Variants in AFF2 observed in about 807,000 individuals in gnomAD.
AFF2 encodes ALF transcription elongation factor 2.
A neutral mutation model predicts 76.9 loss-of-function variants in AFF2; 14 were observed. The observed-to-expected ratio is 0.18, with a 90% CI of 0.12 to 0.28. The LOEUF is 0.28. Ranked by LOEUF, AFF2 falls within the 10% of genes least tolerant of loss-of-function variation. The pLI, the probability that AFF2 is intolerant of heterozygous loss-of-function variation, is 1.00. For missense variants in AFF2, 868 were observed against 1,001.1 expected, an observed-to-expected ratio of 0.87 and a Z score of 1.79; for synonymous variants, 398 against 366.7, an observed-to-expected ratio of 1.09 and a Z score of -0.98.
At chrX:148,734,886 T>A (rs1372480259) in intron 3 of AFF2, among the ~76,000 whole-genome samples, 1 of 112,055 alleles carries the variant, frequency 8.9e-6, no homozygotes, top group Non-Finnish European at 1.9e-5. Context: ...ATCTAGCATG[T>A]CTGACAGATG....
Position 148,830,836 on chromosome X carries a change from G to A in AFF2, c.1087-6811G>A, listed in dbSNP as rs964770830. On this transcript the variant is annotated intron_variant, in intron 4 of 20. Transcript: ENST00000370460. Reference sequence around the variant, plus strand: ...TGACAGGGTTTGAGAGCAGACAACTGGTCTGACCAAAATTTATTAAGCGGG... The same window carrying A: ...TGACAGGGTTTGAGAGCAGACAACTAGTCTGACCAAAATTTATTAAGCGGG... 1.2e-4 allele frequency among the ~76,000 whole-genome samples: 13 copies of A among 111,243 alleles called. No homozygotes were observed. The Admixed American group carries it at 1.2e-3, about 11-fold the overall frequency.
intron 3 of AFF2, among the ~76,000 whole-genome samples, chrX:148,737,388 G>C (rs1557265185): frequency 1.8e-5 from 2 of 111,434 alleles, no homozygotes; most frequent in South Asian, 3.8e-4. Flanking sequence ...TATTGTAAAA[G>C]GGGTTGAGTT....
intron 3 of AFF2, among the ~76,000 whole-genome samples, chrX:148,708,377 G>A (rs1215911032): frequency 9.0e-6 from 1 of 111,629 alleles, no homozygotes; most frequent in Non-Finnish European, 1.9e-5. Context: ...CTAAGTGAAA[G>A]GTAAATCTTA....
intron 1 of AFF2, among the ~76,000 whole-genome samples, chrX:148,517,029 A>G (rs1255934489): frequency 8.9e-6 from 1 of 112,135 alleles, no homozygotes; most frequent in Non-Finnish European, 1.9e-5. Flanking sequence ...GAAGAGAGGA[A>G]TAGGCATTCA....
intron 3 of AFF2, among the ~76,000 whole-genome samples, chrX:148,779,381 TA>T (rs1419428754): frequency 9.0e-6 from 1 of 111,709 alleles, no homozygotes; most frequent in African/African-American, 3.3e-5. Flanking sequence ...GAGTTGAGTT[TA>T]AGTCCTGAAT....
At chrX:148,538,785 T>A (rs781867767) in intron 1 of AFF2, among the ~76,000 whole-genome samples, 1 of 111,933 alleles carries the variant, frequency 8.9e-6, no homozygotes, top group South Asian at 3.8e-4. Context: ...AACTGAGGGC[T>A]CAGAGAGATT....
intron 7 of AFF2, among the ~76,000 whole-genome samples, chrX:148,857,636 T>C (rs993759220): frequency 4.5e-5 from 5 of 111,632 alleles, no homozygotes; most frequent in Admixed American, 9.5e-5. Context: ...CTTATGTGGA[T>C]ATAAATACAC....
intron 3 of AFF2, among the ~76,000 whole-genome samples, chrX:148,666,351 T>C (rs2054358956): frequency 9.0e-6 from 1 of 110,737 alleles, no homozygotes; most frequent in South Asian, 3.8e-4. Context: ...CTTTGGGAGG[T>C]TGAGATGGGC....
At chrX:148,944,015 T>C (rs1208332904) in intron 9 of AFF2, among the ~76,000 whole-genome samples, 1 of 111,961 alleles carries the variant, frequency 8.9e-6, no homozygotes, top group African/African-American at 3.2e-5. Context: ...ACTTCCCAAA[T>C]TGAGCAGCAG....
chrX:148,539,859 T>G (rs1338777873), intron 1 of AFF2, among the ~76,000 whole-genome samples: 2 of 111,090 alleles, frequency 1.8e-5, no homozygotes, highest in African/African-American at 6.6e-5. Flanking sequence ...AGGTCAGTAG[T>G]GTTCACCTTG....
At chrX:148,594,538 A>G (rs2053553555) in intron 1 of AFF2, among the ~76,000 whole-genome samples, 1 of 111,548 alleles carries the variant, frequency 9.0e-6, no homozygotes, top group Non-Finnish European at 1.9e-5. Context: ...AAGAAACTCA[A>G]AAGGACTGGA....
At chrX:148,894,650 G>A (rs2071260981) in intron 8 of AFF2, among the ~76,000 whole-genome samples, 1 of 111,190 alleles carries the variant, frequency 9.0e-6, no homozygotes, top group Non-Finnish European at 1.9e-5. Context: ...GTTAATGGAG[G>A]TCGACTAAAG....
intron 7 of AFF2, among the ~76,000 whole-genome samples, chrX:148,870,516 G>A (rs1284405938): frequency 1.8e-5 from 2 of 111,849 alleles, no homozygotes; most frequent in South Asian, 3.8e-4. Context: ...TTCTGTGGTG[G>A]GACACTGTGC....
At chrX:148,987,704 G>A in intron 20 of AFF2, 147 bp downstream of exon 20, 1 of 499,631 alleles carries the variant, frequency 2.0e-6, no homozygotes, top group South Asian at 4.9e-5. Context: ...AGTTCGCTCA[G>A]GGCTGACACA....
intron 1 of AFF2, 94 bp downstream of exon 1, chrX:148,501,238 G>T: frequency 9.2e-7 from 1 of 1,092,833 alleles, no homozygotes; most frequent in Middle Eastern, 2.9e-4. Flanking sequence ...AAGCTGTCGT[G>T]GGGGGCGCCC....
intron 7 of AFF2, among the ~76,000 whole-genome samples, chrX:148,868,516 G>C (rs1351112778): frequency 8.9e-6 from 1 of 112,228 alleles, no homozygotes; most frequent in Non-Finnish European, 1.9e-5. Flanking sequence ...CAATGGATTT[G>C]AGTAACTGAC....
At chrX:148,895,777 C>T (rs1557280257) in intron 8 of AFF2, among the ~76,000 whole-genome samples, 1 of 111,244 alleles carries the variant, frequency 9.0e-6, no homozygotes, top group Non-Finnish European at 1.9e-5. Context: ...TGTGATAATT[C>T]CTCAGAAAAG....
rs189732728 is a variant in AFF2, at chrX:148,544,303, A to T, written c.47+43159A>T. The stretch of plus-strand genomic sequence containing the variant: ...ATTTGCCATTTGAATTACCCACAAG[A>T]CATCTTTCCTATATACCCATGACTG... On this transcript the variant is annotated intron_variant, in intron 1 of 20. Transcript: ENST00000370460. Among the ~76,000 whole-genome samples, 10 of 112,728 alleles carry T rather than the reference A, an allele frequency of 8.9e-5. No individual in the cohort carries two copies. In the East Asian group the frequency reaches 2.8e-3, roughly 31 times the overall value.
intron 11 of AFF2, 35 bp downstream of exon 11, chrX:148,956,648 G>A: frequency 8.7e-7 from 1 of 1,148,774 alleles, no homozygotes; most frequent in South Asian, 2.0e-5. Context: ...AAGTGCTTGT[G>A]AGCAGTGTCT....
Sources: gnomAD v4.1 joint callset for allele counts (sites outside exome capture counted in the v4.1 genomes callset) on GRCh38, gnomAD v4.1.1 for gene constraint, MANE v1.5 for transcripts, NCBI Gene and HGNC (gene_info 2026-07-23, HGNC 2026-07-21) for gene names.